The following ZFYVE28 variants were observed in gnomAD, a reference collection of about 807,000 sequenced individuals.
ZFYVE28 encodes zinc finger FYVE-type containing 28, also known as lateral signaling target protein 2 homolog.
Under a neutral mutation model 82.1 loss-of-function variants are expected in ZFYVE28, and 40 were observed. The ratio of observed to expected loss-of-function variants is 0.49; its 90% CI spans 0.38 to 0.63. The LOEUF is 0.63. Among genes scored for constraint, ZFYVE28 ranks in the 30% least tolerant of loss-of-function variants. The pLI is 0.00. For synonymous variants in ZFYVE28, 612 were observed against 546.1 expected (o/e 1.12, Z -1.68); for missense variants, 1,321 against 1,242.1 (o/e 1.06, Z -0.96).
chr4:2,391,350 C>G (rs918040274), intron 1 of ZFYVE28, among the ~76,000 whole-genome samples: 3 of 152,160 alleles, frequency 2.0e-5, no homozygotes, highest in Non-Finnish European at 4.4e-5. Context: ...TCCCTCCCTC[C>G]CGTCCTGGGG....
rs899891062 is a variant in ZFYVE28, at chr4:2,300,316, G to A, written c.2051+3973C>T. 1.3e-5 allele frequency among the ~76,000 whole-genome samples: 2 copies of A among 152,220 alleles called. No individual in the cohort carries two copies. The highest frequency in any genetic ancestry group is 6.5e-5 in the Admixed American group (1 of 15,290). ...AGAGGACGGAAGGTTCTGGATCAAAGAGGTAAGGCTAGCTGAAGGGAAAAT... is the reference window on the plus strand; with the variant it reads ...AGAGGACGGAAGGTTCTGGATCAAAAAGGTAAGGCTAGCTGAAGGGAAAAT... On this transcript the variant is annotated intron_variant, in intron 8 of 12. Transcript: ENST00000290974. This position sits in a 1 kb window ranked among gnomAD's most constrained non-coding sequence, Gnocchi z 4.6.
chr4:2,323,882 T>G (rs1244736916), intron 6 of ZFYVE28, among the ~76,000 whole-genome samples: 1 of 152,194 alleles, frequency 6.6e-6, no homozygotes. Flanking sequence ...CTCATCATTT[T>G]TTATGGCTGC....
intron 1 of ZFYVE28, among the ~76,000 whole-genome samples, chr4:2,383,141 G>C (rs1390447858): frequency 1.3e-5 from 2 of 152,134 alleles, no homozygotes; most frequent in African/African-American, 4.8e-5. Flanking sequence ...GAAATGTGAG[G>C]ACATGAGATT....
intron 8 of ZFYVE28, chr4:2,286,417 C>G (rs1370238165): frequency 6.6e-6 from 1 of 152,310 alleles, no homozygotes; most frequent in Non-Finnish European, 1.5e-5. Context: ...GTGCTAAGCT[C>G]CACACCTGCC....
At chr4:2,366,102 C>T (rs772968226) in intron 1 of ZFYVE28, among the ~76,000 whole-genome samples, 50 of 152,286 alleles carry the variant, frequency 3.3e-4, no homozygotes, top group Non-Finnish European at 5.3e-4. Flanking sequence ...TGTGGATGTC[C>T]CCAGGAGGCC....
rs1228960797 is a variant in ZFYVE28, at chr4:2,408,806, G to A, written c.39+9479C>T. Among the ~76,000 whole-genome samples the A allele has an allele frequency of 3.3e-5, 5 of 152,028 alleles. No individual in the cohort carries two copies. The highest frequency in any genetic ancestry group is 1.9e-4 in the East Asian group (1 of 5,194). ...ATAAGCCCCACCTAGATGAAGCCAC[G>A]CCCAGGTGAGCCCCGCCCCACGGGC... On this transcript the variant is annotated intron_variant, in intron 1 of 12. Coordinates refer to ENST00000290974, the MANE Select transcript of ZFYVE28 (RefSeq NM_020972.3). This position sits in a 1 kb window ranked among gnomAD's most constrained non-coding sequence, Gnocchi z 4.3.
chr4:2,341,506 A>G lies in ZFYVE28; in HGVS notation c.290T>C (p.Leu97Pro). Reference sequence around the variant, plus strand: ...GGCACCGAACCACAGCTGGCCGGCCAGGTTGTCGTGCCGGATCTCCTCAGG... The same window carrying G: ...GGCACCGAACCACAGCTGGCCGGCCGGGTTGTCGTGCCGGATCTCCTCAGG... ...KFPEEIRHDN[L>P]AGQLWFGAEC... The change falls in exon 3 of 13, where the codon CTG (leucine) becomes CCG (proline). Residue 97 changes from leucine to proline, a missense_variant. Physicochemically the swap from Leu to Pro is moderately conservative, Grantham distance 98. Coordinates refer to ENST00000290974, the MANE Select transcript of ZFYVE28 (RefSeq NM_020972.3). The surrounding 1 kb of genome is among the most constrained non-coding windows in gnomAD (Gnocchi z 4.5). The G allele has an allele frequency of 6.3e-7, 1 of 1,599,588 alleles. No individual in the cohort carries two copies.
intron 2 of ZFYVE28, among the ~76,000 whole-genome samples, chr4:2,351,543 G>A (rs866367173): frequency 7.9e-5 from 12 of 152,084 alleles, no homozygotes; most frequent in Middle Eastern, 3.2e-3. Context: ...GTGAAACCCC[G>A]TCTCTACTAA....
chr4:2,301,025 C>T (rs779770447), intron 8 of ZFYVE28, among the ~76,000 whole-genome samples: 5 of 152,222 alleles, frequency 3.3e-5, no homozygotes, highest in Non-Finnish European at 7.3e-5. Flanking sequence ...ACAAACGTCA[C>T]TTAACACCAG....
intron 7 of ZFYVE28, among the ~76,000 whole-genome samples, chr4:2,319,495 C>T (rs1046131847): frequency 1.2e-4 from 19 of 152,142 alleles, no homozygotes; most frequent in African/African-American, 4.3e-4. Flanking sequence ...TCTGGGTCCC[C>T]GAAGGAAACC....
intron 1 of ZFYVE28, among the ~76,000 whole-genome samples, chr4:2,367,232 AT>A (rs539356113): frequency 4.4e-4 from 67 of 152,388 alleles, no homozygotes; most frequent in African/African-American, 1.5e-3. Flanking sequence ...CAGAGATCTC[AT>A]TTTGAACTCC....
At position 2,320,332 on chromosome 4, in the gene ZFYVE28, G is replaced by C. The variant is rs905326449; in HGVS notation, c.702-61C>G. On this transcript the variant is annotated intron_variant, in intron 6 of 12. Transcript: ENST00000290974. The surrounding 1 kb of genome is among the most constrained non-coding windows in gnomAD (Gnocchi z 5.1). ...CTGTGGCCCCCTGGGTGCCGCGGAC[G>C]GCCCAACTTAACCACCTGCGAAAAC... 16 of 1,519,056 alleles carry C rather than the reference G, an allele frequency of 1.1e-5. No individual in the cohort carries two copies. The highest frequency in any genetic ancestry group is 1.4e-5 in the Non-Finnish European group (16 of 1,112,016). 94.1% of individuals were successfully genotyped at this position (1,519,056 alleles called of 1,614,324 possible).
chr4:2,370,360 C>G (rs963864918), intron 1 of ZFYVE28, among the ~76,000 whole-genome samples: 1 of 152,134 alleles, frequency 6.6e-6, no homozygotes, highest in African/African-American at 2.4e-5. Flanking sequence ...TCGGCCTGAG[C>G]CCCCTGGACA....
At chr4:2,334,252 A>AC (rs919203045) in intron 6 of ZFYVE28, among the ~76,000 whole-genome samples, 8 of 152,074 alleles carry the variant, frequency 5.3e-5, no homozygotes, top group African/African-American at 1.7e-4. Flanking sequence ...GCAGATAGAG[A>AC]CCACGCTGGA....
chr4:2,291,210 G>A (rs1475496331), intron 8 of ZFYVE28, among the ~76,000 whole-genome samples: 1 of 152,236 alleles, frequency 6.6e-6, no homozygotes, highest in East Asian at 1.9e-4. Flanking sequence ...GTCTCCGGCT[G>A]CAGCATCACC....
chr4:2,308,693 A>AAAAAG (rs1560182664), intron 7 of ZFYVE28, among the ~76,000 whole-genome samples: 77 of 117,300 alleles, frequency 6.6e-4, no homozygotes, highest in African/African-American at 2.5e-3. Context: ...GAAAGAAAAG[A>AAAAAG]AAAGAAAAGA....
chr4:2,335,606 T>G lies in ZFYVE28; in HGVS notation c.701+99A>C. 8.7e-7 allele frequency: 1 copy of G among 1,146,996 alleles called. No individual in the cohort carries two copies. The allele number at this position is 1,146,996 out of a possible 1,614,324, so 71.1% of individuals were successfully genotyped here. On this transcript the variant is annotated intron_variant, in intron 6 of 12. Coordinates refer to ENST00000290974, the MANE Select transcript of ZFYVE28 (RefSeq NM_020972.3). The surrounding 1 kb of genome is among the most constrained non-coding windows in gnomAD (Gnocchi z 5.8). Reference sequence around the variant, plus strand: ...GGACAGCTGAGCGGCCACCGTGAGGTGGAGACGCCATGGACCGGCACCCGC... The same window carrying G: ...GGACAGCTGAGCGGCCACCGTGAGGGGGAGACGCCATGGACCGGCACCCGC...
At chr4:2,284,554 G>A (rs933027045) in intron 8 of ZFYVE28, among the ~76,000 whole-genome samples, 7 of 152,222 alleles carry the variant, frequency 4.6e-5, no homozygotes, top group African/African-American at 1.7e-4. Flanking sequence ...AGGAGTCAGA[G>A]GTGAAGGCCT....
Position 2,305,581 on chromosome 4 carries a change from C to T in ZFYVE28, c.804-45G>A, listed in dbSNP as rs375648782. 6.2e-6 allele frequency: 10 copies of T among 1,609,654 alleles called. No individual in the cohort carries two copies. The African/African-American group carries it at 1.3e-4, about 21-fold the overall frequency. On this transcript the variant is annotated intron_variant, in intron 7 of 12. Coordinates refer to ENST00000290974, the MANE Select transcript of ZFYVE28 (RefSeq NM_020972.3). ...CCAAGGGTGAGGGTCCCAAAAGCCA[C>T]ACCAGCCTCCTTGGCCAGGAGTGGA...
Sources: gnomAD v4.1 joint callset for allele counts (sites outside exome capture counted in the v4.1 genomes callset) on GRCh38, gnomAD v4.1.1 for gene constraint, Gnocchi (gnomAD v3.1) non-coding constraint, MANE v1.5 for transcripts, NCBI Gene and HGNC (gene_info 2026-07-23, HGNC 2026-07-21) for gene names.